The following MINK1 variants were observed in gnomAD, a reference collection of about 807,000 sequenced individuals.
MINK1 encodes the protein misshapen-like kinase 1.
In MINK1, 46 loss-of-function variants were observed where a neutral mutation model predicts 178.4. That is an observed-to-expected ratio of 0.26 (90% confidence interval 0.20 to 0.33). The LOEUF is 0.33. MINK1 is among the 10% of genes least tolerant of loss of function. The probability of loss-of-function intolerance (pLI) is 1.00; values close to 1 mark genes in which losing one functional copy is unlikely to be tolerated. For synonymous variants in MINK1, 797 were observed against 709.7 expected, an observed-to-expected ratio of 1.12 and a Z score of -1.96; for missense variants, 1,366 against 1,814.9, an observed-to-expected ratio of 0.75 and a Z score of 4.49.
In MINK1 at chr17:4,892,991, C is replaced by T. The variant is rs11556635; in HGVS notation, c.2324C>T (p.Pro775Leu). Residue 775 changes from proline (P) to leucine (L), a missense_variant, in exon 20 of 32, where the codon CCG becomes CTG. Physicochemically the swap from Pro to Leu is moderately conservative, Grantham distance 98 (BLOSUM62 -3). Coordinates refer to ENST00000355280, the MANE Select transcript of MINK1 (RefSeq NM_153827.5). ...ERNRVGVSSKPDSSPVLSPGN... is the reference protein window; with the variant it reads ...ERNRVGVSSKLDSSPVLSPGN... ...CCCTGCCGTCCAGTCTCCTCCAAAC[C>T]GGACAGCTCCCCTGTGCTCTCCCCT... The T allele has an allele frequency of 0.42, 664,062 of 1,569,278 alleles. 156,297 individuals are homozygous for T. Among genetic ancestry groups the T allele is most frequent in the East Asian group, 0.91 (37,833 of 41,776 alleles).
intron 1 of MINK1, among the ~76,000 whole-genome samples, chr17:4,876,176 C>T (rs1170401012): frequency 2.0e-5 from 3 of 152,048 alleles, no homozygotes; most frequent in Admixed American, 6.6e-5. Flanking sequence ...TCAGCCCAGT[C>T]CCCTTCAGAG....
At chr17:4,877,675 C>A (rs1331525864) in intron 1 of MINK1, among the ~76,000 whole-genome samples, 1 of 151,178 alleles carries the variant, frequency 6.6e-6, no homozygotes, top group Non-Finnish European at 1.5e-5. Flanking sequence ...AATGTGAGTA[C>A]CAACCCCAGA....
chr17:4,857,190 C>A, intron 1 of MINK1: 1 of 310,994 alleles, frequency 3.2e-6, no homozygotes. Context: ...GGTGATGATA[C>A]CAGCCATGAC....
intron 4 of MINK1, among the ~76,000 whole-genome samples, chr17:4,881,940 C>T (rs763036182): frequency 4.6e-5 from 7 of 152,400 alleles, no homozygotes; most frequent in Admixed American, 1.3e-4. Flanking sequence ...TTGGCGCTGA[C>T]GCCAGGTCTC....
Position 4,896,970 on chromosome 17 carries a change from C to T in MINK1, c.3915+157C>T. The stretch of plus-strand genomic sequence containing the variant: ...AGTCAGCCACTACCACTGCCCTGCG[C>T]TCCCTTCAGATTCCGAGGACTTCCC... On this transcript the variant is annotated intron_variant, in intron 31 of 31. Coordinates refer to ENST00000355280, the MANE Select transcript of MINK1 (RefSeq NM_153827.5). The surrounding 1 kb of genome is among the most constrained non-coding windows in gnomAD (Gnocchi z 4.6). 9.1e-7 allele frequency: 1 copy of T among 1,100,548 alleles called. No homozygotes were observed. The highest frequency in any genetic ancestry group is 2.9e-5 in the Admixed American group (1 of 34,444). 68.2% of individuals were successfully genotyped at this position (1,100,548 alleles called of 1,614,324 possible).
chr17:4,882,535 G>C (rs140477038), intron 4 of MINK1, among the ~76,000 whole-genome samples: 63 of 152,298 alleles, frequency 4.1e-4, no homozygotes, highest in Non-Finnish European at 8.4e-4. Flanking sequence ...GTCTCTAGCA[G>C]ACCTAGAGAA....
chr17:4,874,648 G>A (rs928842191), intron 1 of MINK1, among the ~76,000 whole-genome samples: 2 of 152,130 alleles, frequency 1.3e-5, no homozygotes, highest in African/African-American at 4.8e-5. Flanking sequence ...ATTAGGCAGA[G>A]GCTGGACTGT....
chr17:4,849,825 G>A (rs1597395465), intron 1 of MINK1, among the ~76,000 whole-genome samples: 2 of 152,106 alleles, frequency 1.3e-5, no homozygotes. Flanking sequence ...CGCCCGCCTC[G>A]GCCTCCCAAA....
At chr17:4,856,394 A>T (rs978839843) in intron 1 of MINK1, among the ~76,000 whole-genome samples, 1 of 151,524 alleles carries the variant, frequency 6.6e-6, no homozygotes, top group African/African-American at 2.4e-5. Flanking sequence ...TCTCCAGCTC[A>T]CACACCCACT....
intron 1 of MINK1, among the ~76,000 whole-genome samples, chr17:4,861,096 A>G (rs184457523): frequency 6.6e-6 from 1 of 152,282 alleles, no homozygotes; most frequent in East Asian, 1.9e-4. Flanking sequence ...GAATCATTAA[A>G]TCAGCGACGA....
At chr17:4,882,478 C>T (rs530825059) in intron 4 of MINK1, among the ~76,000 whole-genome samples, 10 of 152,310 alleles carry the variant, frequency 6.6e-5, no homozygotes, top group Admixed American at 5.9e-4. Flanking sequence ...AGGGTCTTCC[C>T]AGGTTCCCTG....
chr17:4,880,906 A>G (rs1319813534), intron 2 of MINK1, 78 bp from the exon 3 acceptor site: 4 of 1,383,612 alleles, frequency 2.9e-6, no homozygotes, highest in Non-Finnish European at 3.8e-6. Flanking sequence ...TCTCAAAAAA[A>G]AAAGCTGTGT....
At chr17:4,868,021 G>A (rs1198471674) in intron 1 of MINK1, among the ~76,000 whole-genome samples, 6 of 148,958 alleles carry the variant, frequency 4.0e-5, no homozygotes, top group African/African-American at 1.5e-4. Flanking sequence ...CTGTTGCTTA[G>A]GCTGGAGTGC....
chr17:4,893,224 TC>T, intron 20 of MINK1, 157 bp downstream of exon 20: 12 of 1,522,542 alleles, frequency 7.9e-6, no homozygotes, highest in Non-Finnish European at 9.7e-6. Context: ...TTTCCTAACC[TC>T]TCTCCTAACC....
At position 4,896,833 on chromosome 17, in the gene MINK1, T is replaced by G. The variant is rs777520930; in HGVS notation, c.3915+20T>G. The G allele has an allele frequency of 1.3e-6, 2 of 1,542,518 alleles. No individual in the cohort carries two copies. The highest frequency in any genetic ancestry group is 1.7e-6 in the Non-Finnish European group (2 of 1,145,138). On this transcript the variant is annotated intron_variant, in intron 31 of 31. Coordinates refer to ENST00000355280, the MANE Select transcript of MINK1 (RefSeq NM_153827.5). The surrounding 1 kb of genome is among the most constrained non-coding windows in gnomAD (Gnocchi z 4.6). Reference sequence around the variant, plus strand: ...GACAAGGTGGGAGGCTCCTTCCCTCTGAAAGCCCTGCTGTCCCGGCTGCCA... The same window carrying G: ...GACAAGGTGGGAGGCTCCTTCCCTCGGAAAGCCCTGCTGTCCCGGCTGCCA...
At chr17:4,889,617 GT>G in intron 12 of MINK1, 29 bp from the exon 13 acceptor site, 1 of 1,549,498 alleles carries the variant, frequency 6.5e-7, no homozygotes, top group Non-Finnish European at 8.7e-7. Context: ...GTCCGGTATG[GT>G]TCTTAAGACC....
chr17:4,833,555 G>C lies in MINK1; in HGVS notation c.-29G>C. Reference sequence around the variant, plus strand: ...GAGTAACCGAGCCGGAGCGTGAGCGGCCCCGGTGCCCCGTTCCCCACGGAG... The same window carrying C: ...GAGTAACCGAGCCGGAGCGTGAGCGCCCCCGGTGCCCCGTTCCCCACGGAG... On this transcript the variant is annotated 5_prime_UTR_variant, in exon 1 of 32. Coordinates refer to ENST00000355280, the MANE Select transcript of MINK1 (RefSeq NM_153827.5). This position sits in a 1 kb window ranked among gnomAD's most constrained non-coding sequence, Gnocchi z 4.8. 6.7e-7 allele frequency: 1 copy of C among 1,487,554 alleles called. No individual in the cohort carries two copies. The highest frequency in any genetic ancestry group is 1.3e-5 in the South Asian group (1 of 79,982). 92.1% of individuals were successfully genotyped at this position (1,487,554 alleles called of 1,614,324 possible). A position where few individuals can be genotyped will look rare whatever the true frequency, so the allele number is the denominator to read the frequency against.
chr17:4,835,954 C>A (rs1173096626), intron 1 of MINK1, among the ~76,000 whole-genome samples: 1 of 152,174 alleles, frequency 6.6e-6, no homozygotes, highest in African/African-American at 2.4e-5. Flanking sequence ...CTGCTTCCCC[C>A]TTTCCACCCT....
At chr17:4,879,807 C>A (rs1357768574) in intron 2 of MINK1, among the ~76,000 whole-genome samples, 1 of 152,212 alleles carries the variant, frequency 6.6e-6, no homozygotes, top group Non-Finnish European at 1.5e-5. Flanking sequence ...CTCTGTGTTT[C>A]TCTGAGTTCC....
Sources: allele counts gnomAD v4.1 joint callset (sites outside exome capture counted in the v4.1 genomes callset), GRCh38; gene constraint gnomAD v4.1.1; non-coding constraint Gnocchi (gnomAD v3.1); transcripts MANE v1.5; gene names NCBI Gene and HGNC (gene_info 2026-07-23, HGNC 2026-07-21).